The following SPAG16 variants were observed in gnomAD, a reference collection of about 807,000 sequenced individuals.
The protein encoded by SPAG16 is sperm associated antigen 16.
SPAG16 carries 86 observed loss-of-function variants against 80.4 expected under a neutral mutation model. That is an observed-to-expected ratio of 1.07 (90% CI 0.90 to 1.28). The LOEUF (loss-of-function observed/expected upper bound fraction) is 1.28. Among genes scored for constraint, SPAG16 ranks in the 50% most tolerant of loss-of-function variants. The pLI is 0.00. For missense variants in SPAG16, 870 were observed against 765.3 expected (o/e 1.14, Z -1.61); for synonymous variants, 294 against 265.9 (o/e 1.11, Z -1.03).
intron 10 of SPAG16, among the ~76,000 whole-genome samples, chr2:213,806,512 C>T (rs534277823): frequency 6.6e-6 from 1 of 151,994 alleles, no homozygotes; most frequent in Non-Finnish European, 1.5e-5. Flanking sequence ...GTTTATGTAT[C>T]CCCTGAGAAT....
intron 9 of SPAG16, among the ~76,000 whole-genome samples, chr2:213,387,690 G>A (rs978519718): frequency 2.0e-5 from 3 of 151,278 alleles, no homozygotes; most frequent in African/African-American, 7.3e-5. Context: ...TCCTGACCTC[G>A]TGATCCGCCC....
chr2:214,020,218 T>G (rs759033759), intron 13 of SPAG16, among the ~76,000 whole-genome samples: 9 of 152,190 alleles, frequency 5.9e-5, no homozygotes, highest in South Asian at 2.1e-4. Flanking sequence ...CCTTCTTCCA[T>G]GCCCTTGGCC....
intron 15 of SPAG16, among the ~76,000 whole-genome samples, chr2:214,211,080 A>G (rs1452704234): frequency 6.6e-6 from 1 of 152,056 alleles, no homozygotes; most frequent in Admixed American, 6.6e-5. Context: ...CACTTGTTTT[A>G]TTTTTTACTC....
At chr2:214,199,161 G>C (rs187778977) in intron 15 of SPAG16, among the ~76,000 whole-genome samples, 20 of 152,130 alleles carry the variant, frequency 1.3e-4, no homozygotes, top group African/African-American at 1.2e-4. Context: ...GTGGTCTGAA[G>C]TCATGAATTA....
At chr2:214,122,914 A>G (rs956865691) in intron 14 of SPAG16, among the ~76,000 whole-genome samples, 32 of 151,906 alleles carry the variant, frequency 2.1e-4, no homozygotes, top group African/African-American at 7.5e-4. Flanking sequence ...AAATATTTAA[A>G]TTATGTCAAT....
chr2:213,408,395 T>G (rs1009288799), intron 9 of SPAG16, among the ~76,000 whole-genome samples: 2 of 152,162 alleles, frequency 1.3e-5, no homozygotes, highest in African/African-American at 4.8e-5. Flanking sequence ...GAAAAATAAC[T>G]TTTAGAGGAA....
chr2:214,301,996 AT>A (rs751877345), intron 15 of SPAG16, among the ~76,000 whole-genome samples: 17 of 150,146 alleles, frequency 1.1e-4, no homozygotes, highest in African/African-American at 2.4e-4. Context: ...TTTGCATTGA[AT>A]TTTTTTTTTA....
intron 15 of SPAG16, among the ~76,000 whole-genome samples, chr2:214,265,745 G>T (rs1342180666): frequency 1.3e-5 from 2 of 151,640 alleles, no homozygotes; most frequent in African/African-American, 2.4e-5. Context: ...TTACATTTAG[G>T]TATATAATTC....
chr2:213,763,792 C>G (rs1365306367), intron 10 of SPAG16, among the ~76,000 whole-genome samples: 2 of 152,166 alleles, frequency 1.3e-5, no homozygotes, highest in East Asian at 3.8e-4. Context: ...GGATGACCGT[C>G]TTGCTCTCAT....
intron 12 of SPAG16, among the ~76,000 whole-genome samples, chr2:213,941,495 G>A (rs539693806): frequency 6.6e-6 from 1 of 152,036 alleles, no homozygotes. Context: ...TTGTTCTTGG[G>A]ATCGTGACAT....
chr2:214,139,900 A>G (rs1193462925), intron 14 of SPAG16, among the ~76,000 whole-genome samples: 1 of 152,230 alleles, frequency 6.6e-6, no homozygotes, highest in Non-Finnish European at 1.5e-5. Flanking sequence ...AACTATTTAG[A>G]CAAAGCTTAA....
intron 10 of SPAG16, among the ~76,000 whole-genome samples, chr2:213,588,557 C>T (rs898410772): frequency 8.0e-5 from 12 of 149,864 alleles, no homozygotes; most frequent in Admixed American, 8.0e-4. Context: ...AATCCCAGCA[C>T]TTTGGGAGGC....
intron 10 of SPAG16, among the ~76,000 whole-genome samples, chr2:213,624,387 A>G (rs1209845421): frequency 6.6e-6 from 1 of 152,140 alleles, no homozygotes; most frequent in African/African-American, 2.4e-5. Context: ...TCTGTTCTCT[A>G]AGAATATATC....
intron 14 of SPAG16, among the ~76,000 whole-genome samples, chr2:214,131,020 C>T (rs1226105763): frequency 2.0e-5 from 3 of 152,170 alleles, no homozygotes; most frequent in South Asian, 2.1e-4. Context: ...TTGGGCCAGT[C>T]TATATTCAAT....
intron 10 of SPAG16, among the ~76,000 whole-genome samples, chr2:213,835,204 A>T (rs939315468): frequency 3.3e-5 from 5 of 152,162 alleles, no homozygotes; most frequent in Admixed American, 6.6e-5. Flanking sequence ...CTGAACCAAG[A>T]TTGGAATCTA....
chr2:213,726,001 A>T (rs1442529295), intron 10 of SPAG16, among the ~76,000 whole-genome samples: 1 of 152,180 alleles, frequency 6.6e-6, no homozygotes, highest in East Asian at 1.9e-4. Flanking sequence ...GGCATTTCTC[A>T]ACATCTGTAG....
chr2:213,584,682 A>G lies in SPAG16; in HGVS notation c.1070+94592A>G, dbSNP rs114345568. The stretch of plus-strand genomic sequence containing the variant: ...CGGATGGACGGGAGGAAGTGAGGGA[A>G]ACTAGACAGAGTTATAGGGCAGGCT... On this transcript the variant is annotated intron_variant, in intron 10 of 15. Transcript: ENST00000331683. 4.7e-3 allele frequency among the ~76,000 whole-genome samples: 707 copies of G among 151,758 alleles called. 4 individuals are homozygous for G. Among genetic ancestry groups the G allele is most frequent in the Middle Eastern group, 0.01 (3 of 292 alleles).
intron 10 of SPAG16, among the ~76,000 whole-genome samples, chr2:213,742,858 C>T (rs921343163): frequency 3.3e-5 from 5 of 151,986 alleles, no homozygotes; most frequent in African/African-American, 9.7e-5. Flanking sequence ...CCACCGTGCT[C>T]GGCTGCTTAT....
chr2:214,050,189 A>G (rs563662902), intron 13 of SPAG16, among the ~76,000 whole-genome samples: 22 of 152,120 alleles, frequency 1.4e-4, no homozygotes, highest in African/African-American at 4.3e-4. Flanking sequence ...GGTAATCTCA[A>G]TCATGAAGAT....
Sources: allele counts gnomAD v4.1 joint callset (sites outside exome capture counted in the v4.1 genomes callset), GRCh38; gene constraint gnomAD v4.1.1; transcripts MANE v1.5; gene names NCBI Gene and HGNC (gene_info 2026-07-23, HGNC 2026-07-21).